The following CRY1 variants were observed in gnomAD, a reference collection of about 807,000 sequenced individuals.
CRY1 encodes cryptochrome circadian regulator 1.
CRY1 carries 45 observed loss-of-function variants against 76.0 expected under a neutral mutation model. The observed-to-expected ratio is 0.59, with a 90% CI of 0.47 to 0.76. The LOEUF is 0.76. CRY1 is among the 30% of genes least tolerant of loss of function. CRY1 has a pLI of 0.00. For missense variants in CRY1, 587 were observed against 716.4 expected (o/e 0.82, Z 2.06); for synonymous variants, 248 against 244.0 (o/e 1.02, Z -0.15).
intron 1 of CRY1, among the ~76,000 whole-genome samples, chr12:107,088,684 C>T (rs1016653086): frequency 1.3e-5 from 2 of 152,180 alleles, no homozygotes; most frequent in African/African-American, 4.8e-5. Context: ...GTTATAGCAG[C>T]TCAAACAAAC....
At chr12:107,080,731 T>C (rs1198256886) in intron 1 of CRY1, among the ~76,000 whole-genome samples, 4 of 151,912 alleles carry the variant, frequency 2.6e-5, no homozygotes, top group Non-Finnish European at 4.4e-5. Flanking sequence ...ATAGTTTTGG[T>C]AGAGTGGGTG....
chr12:107,067,648 G>A (rs1252993017), intron 1 of CRY1, among the ~76,000 whole-genome samples: 1 of 152,014 alleles, frequency 6.6e-6, no homozygotes, highest in African/African-American at 2.4e-5. Flanking sequence ...CTGGAAAAGA[G>A]GCCCTTCCAT....
intron 1 of CRY1, among the ~76,000 whole-genome samples, chr12:107,031,637 G>A (rs1405680317): frequency 6.6e-6 from 1 of 152,178 alleles, no homozygotes; most frequent in East Asian, 1.9e-4. Context: ...TTAATGTGAT[G>A]AGAAAACCAT....
At chr12:107,013,582 C>T (rs1241648586) in intron 2 of CRY1, among the ~76,000 whole-genome samples, 2 of 152,058 alleles carry the variant, frequency 1.3e-5, no homozygotes, top group African/African-American at 4.8e-5. Flanking sequence ...CCCAGGTATG[C>T]CTGTATCAAA....
chr12:107,073,685 C>T (rs923921281), intron 1 of CRY1, among the ~76,000 whole-genome samples: 36 of 152,190 alleles, frequency 2.4e-4, no homozygotes, highest in African/African-American at 8.4e-4. Context: ...GCCAAGATTG[C>T]ACCATTGCAC....
rs1316233704 is a variant in CRY1, at chr12:107,012,162, C to T, written c.268-6914G>A. ...CCAAGATCGTGCCACTGCACTGCAG[C>T]GTGGGTGACAGAGGAAGACTCCGTC... is the stretch of plus-strand genomic sequence containing the variant. On this transcript the variant is annotated intron_variant, in intron 2 of 12. Coordinates refer to ENST00000008527, the MANE Select transcript of CRY1 (RefSeq NM_004075.5). Among the ~76,000 whole-genome samples the T allele has an allele frequency of 2.6e-5, 4 of 152,064 alleles. No homozygotes were observed. The South Asian group carries it at 8.3e-4, about 32-fold the overall frequency.
chr12:107,024,856 T>C (rs1952590971), intron 1 of CRY1, among the ~76,000 whole-genome samples: 1 of 152,126 alleles, frequency 6.6e-6, no homozygotes, highest in Non-Finnish European at 1.5e-5. Context: ...AACTTACATC[T>C]CTCATTTCAC....
chr12:106,994,113 C>A (rs148055160), intron 10 of CRY1, among the ~76,000 whole-genome samples: 1 of 151,822 alleles, frequency 6.6e-6, no homozygotes, highest in South Asian at 2.1e-4. Context: ...CTTTGACATG[C>A]CTTGTAAGGT....
intron 2 of CRY1, among the ~76,000 whole-genome samples, chr12:107,018,696 T>C (rs540048483): frequency 6.6e-6 from 1 of 152,244 alleles, no homozygotes; most frequent in African/African-American, 2.4e-5. Context: ...AACCAATAAT[T>C]TAAACTCCTT....
At chr12:107,004,961 G>T in intron 3 of CRY1, 145 bp downstream of exon 3, 3 of 665,370 alleles carry the variant, frequency 4.5e-6, no homozygotes, top group Non-Finnish European at 7.3e-6. Flanking sequence ...ACTCTGTGAA[G>T]TACATGTTAT....
In CRY1 at chr12:106,992,779, A is replaced by G. The variant is rs1952192846; in HGVS notation, c.*8T>C. 1.2e-6 allele frequency: 2 copies of G among 1,602,440 alleles called. No individual in the cohort carries two copies. Among genetic ancestry groups the G allele is most frequent in the Non-Finnish European group, 1.7e-6 (2 of 1,169,470 alleles). On this transcript the variant is annotated splice_region_variant and intron_variant, in intron 12 of 12. Coordinates refer to ENST00000008527, the MANE Select transcript of CRY1 (RefSeq NM_004075.5). ...CTAAAGCAAGAAATACAGCTCTAAA[A>G]TATTTACCTAATTAGTGCTCTGTCT...
At chr12:107,084,221 G>C (rs928755654) in intron 1 of CRY1, among the ~76,000 whole-genome samples, 1 of 152,162 alleles carries the variant, frequency 6.6e-6, no homozygotes, top group Non-Finnish European at 1.5e-5. Flanking sequence ...CTCATGGATA[G>C]GAAGAATCAG....
At chr12:107,026,847 C>T (rs1457629875) in intron 1 of CRY1, among the ~76,000 whole-genome samples, 2 of 146,766 alleles carry the variant, frequency 1.4e-5, no homozygotes, top group Admixed American at 1.4e-4. Context: ...CAAAAGAAAA[C>T]GTGAATTAGT....
chr12:107,069,615 A>C (rs1376947482), intron 1 of CRY1, among the ~76,000 whole-genome samples: 1 of 124,308 alleles, frequency 8.0e-6, no homozygotes, highest in African/African-American at 3.3e-5. Context: ...TATATATAAA[A>C]AGTATATATA....
chr12:107,015,535 C>A (rs141173555), intron 2 of CRY1, among the ~76,000 whole-genome samples: 1 of 152,034 alleles, frequency 6.6e-6, no homozygotes, highest in Non-Finnish European at 1.5e-5. Flanking sequence ...TGTAGAGATG[C>A]GGTCTCAGCA....
intron 1 of CRY1, among the ~76,000 whole-genome samples, chr12:107,061,825 A>G (rs1166130550): frequency 6.6e-6 from 1 of 152,182 alleles, no homozygotes; most frequent in Admixed American, 6.5e-5. Context: ...AAATTATCCA[A>G]TGCTGGGAAG....
At position 107,074,753 on chromosome 12, in the gene CRY1, G is replaced by A. The variant is rs143149385; in HGVS notation, c.158+18051C>T. ...TACTAAGCTGGGCTCGATGGCTCAC[G>A]CCTGTAATCCCAGCACCTTGGGAGG... On this transcript the variant is annotated intron_variant, in intron 1 of 12. Coordinates refer to ENST00000008527, the MANE Select transcript of CRY1 (RefSeq NM_004075.5). Among the ~76,000 whole-genome samples the A allele has an allele frequency of 4.7e-3, 711 of 152,306 alleles. 7 individuals are homozygous for A. Among genetic ancestry groups the A allele is most frequent in the African/African-American group, 0.016 (671 of 41,574 alleles).
chr12:107,026,775 T>G (rs1353328187), intron 1 of CRY1, among the ~76,000 whole-genome samples: 7 of 150,508 alleles, frequency 4.7e-5, no homozygotes, highest in Admixed American at 2.6e-4. Context: ...TCCTGTTTTT[T>G]TTTTTTTTTT....
chr12:107,001,215 A>G lies in CRY1; in HGVS notation c.684+65T>C, dbSNP rs540975106. 52 of 1,228,506 alleles carry G rather than the reference A, an allele frequency of 4.2e-5. 1 individual carries two copies. The South Asian group carries it at 6.4e-4, about 15-fold the overall frequency. The allele number at this position is 1,228,506 out of a possible 1,614,324, so 76.1% of individuals were successfully genotyped here. A position where few individuals can be genotyped will look rare whatever the true frequency, so the allele number is the denominator to read the frequency against. ...TCTATTTGTTATTTTTAAAAGAGAG[A>G]AAAATTATTTTTTAAATGGCAGTTT... On this transcript the variant is annotated intron_variant, in intron 5 of 12. Coordinates refer to ENST00000008527, the MANE Select transcript of CRY1 (RefSeq NM_004075.5).
Sources: gnomAD v4.1 joint callset for allele counts (sites outside exome capture counted in the v4.1 genomes callset) on GRCh38, gnomAD v4.1.1 for gene constraint, MANE v1.5 for transcripts, NCBI Gene and HGNC (gene_info 2026-07-23, HGNC 2026-07-21) for gene names.